BRAF: variants seen among roughly 807,000 people sequenced by gnomAD.
BRAF encodes serine/threonine-protein kinase B-raf.
Under a neutral mutation model 104.6 loss-of-function variants are expected in BRAF, and 16 were observed. The ratio of observed to expected loss-of-function variants is 0.15; its 90% CI spans 0.10 to 0.23. BRAF has a LOEUF of 0.23. Ranked by LOEUF, BRAF falls within the 10% of genes least tolerant of loss-of-function variation. The probability of loss-of-function intolerance (pLI) is 1.00; values close to 1 mark genes in which losing one functional copy is unlikely to be tolerated. For synonymous variants in BRAF, 310 were observed against 341.6 expected, an observed-to-expected ratio of 0.91 and a Z score of 1.02; for missense variants, 541 against 937.3, an observed-to-expected ratio of 0.58 and a Z score of 5.52.
At chr7:140,788,347 A>C (rs1388160228) in intron 8 of BRAF, among the ~76,000 whole-genome samples, 3 of 152,208 alleles carry the variant, frequency 2.0e-5, no homozygotes, top group African/African-American at 4.8e-5. Flanking sequence ...AAAAGTTATA[A>C]ATAATTATTT....
At chr7:140,843,933 C>A (rs1156483361) in intron 2 of BRAF, among the ~76,000 whole-genome samples, 1 of 152,010 alleles carries the variant, frequency 6.6e-6, no homozygotes, top group Admixed American at 6.6e-5. Flanking sequence ...GGCGTGAACC[C>A]GGGAGGTGGA....
At chr7:140,919,186 A>G (rs1817949545) in intron 1 of BRAF, among the ~76,000 whole-genome samples, 1 of 152,004 alleles carries the variant, frequency 6.6e-6, no homozygotes, top group Non-Finnish European at 1.5e-5. Context: ...ACAATGATAG[A>G]ATGTTTTCGA....
chr7:140,919,066 G>C (rs991480091), intron 1 of BRAF, among the ~76,000 whole-genome samples: 2 of 150,576 alleles, frequency 1.3e-5, no homozygotes, highest in Non-Finnish European at 2.9e-5. Flanking sequence ...AGAAAGGCGT[G>C]AACCCGGGAG....
chr7:140,906,958 T>C (rs1030599565), intron 1 of BRAF, among the ~76,000 whole-genome samples: 20 of 152,230 alleles, frequency 1.3e-4, no homozygotes, highest in Admixed American at 1.0e-3. Context: ...TGGTTTCTCA[T>C]TGGATCTATA....
At chr7:140,850,296 G>A in intron 1 of BRAF, 84 bp from the exon 2 acceptor site, 1 of 1,029,740 alleles carries the variant, frequency 9.7e-7, no homozygotes, top group South Asian at 1.4e-5. Flanking sequence ...CTACATCACA[G>A]TAACTGCCAG....
intron 1 of BRAF, among the ~76,000 whole-genome samples, chr7:140,883,911 A>G (rs1429211043): frequency 1.3e-5 from 2 of 152,236 alleles, no homozygotes; most frequent in African/African-American, 4.8e-5. Context: ...AAGGTTTAGC[A>G]GGTTAAGTAA....
intron 1 of BRAF, among the ~76,000 whole-genome samples, chr7:140,920,862 A>T (rs1818141582): frequency 6.6e-6 from 1 of 152,240 alleles, no homozygotes; most frequent in Non-Finnish European, 1.5e-5. Flanking sequence ...GGCACCTGTG[A>T]ATATATCTGT....
At chr7:140,745,872 C>A (rs1202364331) in intron 17 of BRAF, among the ~76,000 whole-genome samples, 1 of 152,156 alleles carries the variant, frequency 6.6e-6, no homozygotes, top group African/African-American at 2.4e-5. Context: ...GTGCTTAGAA[C>A]CTAGCAACCA....
chr7:140,724,452 A>G lies in BRAF; in HGVS notation c.*2042T>C, dbSNP rs995475897. The G allele has an allele frequency of 1.9e-6, 2 of 1,054,300 alleles. No individual in the cohort carries two copies. Among genetic ancestry groups the G allele is most frequent in the Non-Finnish European group, 2.3e-6 (2 of 872,506 alleles). The allele number at this position is 1,054,300 out of a possible 1,614,324, so 65.3% of individuals were successfully genotyped here. On this transcript the variant is annotated 3_prime_UTR_variant, in exon 20 of 20. Transcript: ENST00000644969. Reference sequence around the variant, plus strand: ...GAAGATGTTCTTCAAATCAGCGTGAATTATTTCCACCTTTGCAATTTCTGA... The same window carrying G: ...GAAGATGTTCTTCAAATCAGCGTGAGTTATTTCCACCTTTGCAATTTCTGA...
chr7:140,912,568 A>C (rs2037455490), intron 1 of BRAF, among the ~76,000 whole-genome samples: 1 of 152,164 alleles, frequency 6.6e-6, no homozygotes, highest in Admixed American at 6.5e-5. Flanking sequence ...CTTATCATTA[A>C]AAATTTATTG....
chr7:140,777,436 C>T (rs1170586137), intron 13 of BRAF, among the ~76,000 whole-genome samples: 1 of 152,138 alleles, frequency 6.6e-6, no homozygotes, highest in African/African-American at 2.4e-5. Context: ...CATTTTCTTA[C>T]AACTTTCACC....
At chr7:140,862,896 A>G (rs375039889) in intron 1 of BRAF, among the ~76,000 whole-genome samples, 1 of 152,170 alleles carries the variant, frequency 6.6e-6, no homozygotes, top group South Asian at 2.1e-4. Context: ...TATTTTTTAA[A>G]AGATAGTAGA....
In BRAF at chr7:140,725,708, AAAACCC is replaced by A; in HGVS notation, c.*780_*785del. The A allele has an allele frequency of 9.4e-7, 1 of 1,059,784 alleles. No individual in the cohort carries two copies. Among genetic ancestry groups the A allele is most frequent in the Non-Finnish European group, 1.1e-6 (1 of 875,990 alleles). The allele number at this position is 1,059,784 out of a possible 1,614,324, so 65.6% of individuals were successfully genotyped here. A position where few individuals can be genotyped will look rare whatever the true frequency, so the allele number is the denominator to read the frequency against. ...TTGCTACATTGTGGAGGAAAAAAAA[AAAACCC>A]AAACACTTATCTTCATTGCTGGACC... On this transcript the variant is annotated 3_prime_UTR_variant, in exon 20 of 20. Transcript: ENST00000644969.
At chr7:140,848,818 A>G (rs1164693083) in intron 2 of BRAF, among the ~76,000 whole-genome samples, 3 of 152,216 alleles carry the variant, frequency 2.0e-5, no homozygotes, top group Non-Finnish European at 4.4e-5. Context: ...GATATTAACT[A>G]GGAGTGTGAT....
intron 3 of BRAF, among the ~76,000 whole-genome samples, chr7:140,831,131 C>A (rs1806693874): frequency 6.6e-6 from 1 of 152,116 alleles, no homozygotes; most frequent in African/African-American, 2.4e-5. Flanking sequence ...AAATTGAAGG[C>A]AACTTAACAA....
chr7:140,909,620 A>G (rs1362160750), intron 1 of BRAF, among the ~76,000 whole-genome samples: 2 of 152,186 alleles, frequency 1.3e-5, no homozygotes, highest in Admixed American at 1.3e-4. Flanking sequence ...ACTGCCATCA[A>G]TTACGTGATT....
At chr7:140,738,312 A>G (rs1033161556) in intron 18 of BRAF, among the ~76,000 whole-genome samples, 3 of 152,216 alleles carry the variant, frequency 2.0e-5, no homozygotes, top group African/African-American at 7.2e-5. Flanking sequence ...TTAGAGAAGA[A>G]TAACATTTTT....
chr7:140,811,448 GAGT>G (rs1804250684), intron 3 of BRAF, among the ~76,000 whole-genome samples: 1 of 152,112 alleles, frequency 6.6e-6, no homozygotes, highest in African/African-American at 2.4e-5. Flanking sequence ...GGGGAGAGGG[GAGT>G]AGGAGAGGGA....
intron 19 of BRAF, among the ~76,000 whole-genome samples, chr7:140,727,670 G>A (rs2130837779): frequency 6.6e-6 from 1 of 152,056 alleles, no homozygotes; most frequent in South Asian, 2.1e-4. Context: ...ACCCAGGCTG[G>A]AGTGCAGTGG....
Sources: allele counts gnomAD v4.1 joint callset (sites outside exome capture counted in the v4.1 genomes callset), GRCh38; gene constraint gnomAD v4.1.1; transcripts MANE v1.5; gene names NCBI Gene and HGNC (gene_info 2026-07-23, HGNC 2026-07-21).